OSBPL10: variants seen among roughly 807,000 people sequenced by gnomAD.
OSBPL10 encodes oxysterol-binding protein-related protein 10.
Under a neutral mutation model 81.7 loss-of-function variants are expected in OSBPL10, and 49 were observed. That is an observed-to-expected ratio of 0.60 (90% CI 0.48 to 0.76). OSBPL10 has a LOEUF of 0.76. Among genes scored for constraint, OSBPL10 ranks in the 30% least tolerant of loss-of-function variants. The pLI is 0.00. For synonymous variants in OSBPL10, 419 were observed against 383.6 expected, an observed-to-expected ratio of 1.09 and a Z score of -1.08; for missense variants, 923 against 987.8, an observed-to-expected ratio of 0.93 and a Z score of 0.88.
chr3:32,015,796 A>T (rs1352020060), intron 2 of OSBPL10, among the ~76,000 whole-genome samples: 1 of 152,252 alleles, frequency 6.6e-6, no homozygotes, highest in Admixed American at 6.5e-5. Context: ...GGATATGAAC[A>T]GACACTTCTC....
At position 31,682,715 on chromosome 3, in the gene OSBPL10, CTTAT is replaced by C. The variant is rs1475701754; in HGVS notation, c.1726+915_1726+918del. Among the ~76,000 whole-genome samples the C allele has an allele frequency of 1.2e-4, 19 of 152,314 alleles. No individual in the cohort carries two copies. In the East Asian group the frequency reaches 2.9e-3, roughly 23 times the overall value. On this transcript the variant is annotated intron_variant, in intron 8 of 11. Coordinates refer to ENST00000396556, the MANE Select transcript of OSBPL10 (RefSeq NM_017784.5). ...CTTACCACACAATCCATTTTATTTA[CTTAT>C]TTATTTCATTTCCCCGTGAGAAAGA... is the stretch of plus-strand genomic sequence containing the variant.
At chr3:31,688,421 C>T (rs1415473376) in intron 7 of OSBPL10, among the ~76,000 whole-genome samples, 6 of 152,012 alleles carry the variant, frequency 3.9e-5, no homozygotes. Flanking sequence ...ACAGTTCCTG[C>T]TTTCAAGGCT....
chr3:31,883,264 G>C (rs1451408090), intron 1 of OSBPL10, among the ~76,000 whole-genome samples: 10 of 150,402 alleles, frequency 6.6e-5, no homozygotes, highest in Non-Finnish European at 1.3e-4. Flanking sequence ...TTTTGAGATG[G>C]AGTCTCGCTT....
At chr3:32,051,316 T>C (rs977752489) in intron 1 of OSBPL10, among the ~76,000 whole-genome samples, 2 of 152,232 alleles carry the variant, frequency 1.3e-5, no homozygotes, top group African/African-American at 4.8e-5. Context: ...ATCTGTTCTG[T>C]TTTGCATTGT....
chr3:31,912,651 C>T (rs1696617765), intron 1 of OSBPL10, among the ~76,000 whole-genome samples: 1 of 152,176 alleles, frequency 6.6e-6, no homozygotes. Context: ...TCCTTTGATG[C>T]TAGAGTTTCA....
intron 1 of OSBPL10, among the ~76,000 whole-genome samples, chr3:31,968,966 G>A (rs1351555948): frequency 6.6e-6 from 1 of 152,174 alleles, no homozygotes; most frequent in Non-Finnish European, 1.5e-5. Flanking sequence ...TCAACGGCAC[G>A]TACTAGCACA....
intron 6 of OSBPL10, chr3:31,721,780 G>A (rs974408841): frequency 1.3e-5 from 2 of 152,118 alleles, no homozygotes; most frequent in South Asian, 2.1e-4. Flanking sequence ...AAGCTAGGTC[G>A]GCCAAAGAAC....
chr3:31,930,640 T>C (rs1185323336), intron 1 of OSBPL10, among the ~76,000 whole-genome samples: 1 of 151,632 alleles, frequency 6.6e-6, no homozygotes, highest in Non-Finnish European at 1.5e-5. Flanking sequence ...AAGAAAAGAG[T>C]TAGGAAGCCT....
At chr3:31,686,149 C>T (rs1485262100) in intron 7 of OSBPL10, among the ~76,000 whole-genome samples, 1 of 152,190 alleles carries the variant, frequency 6.6e-6, no homozygotes, top group African/African-American at 2.4e-5. Flanking sequence ...GCACATGGCC[C>T]TCACCAGAAG....
chr3:31,795,379 A>C (rs775227690), intron 4 of OSBPL10: 2 of 155,450 alleles, frequency 1.3e-5, no homozygotes, highest in Non-Finnish European at 2.9e-5. Flanking sequence ...TCCTGACCTC[A>C]GGTGATCCGC....
intron 4 of OSBPL10, among the ~76,000 whole-genome samples, chr3:31,779,137 G>T (rs889512162): frequency 4.6e-5 from 7 of 151,766 alleles, no homozygotes; most frequent in African/African-American, 1.7e-4. Context: ...ATCTCACAGG[G>T]CCTATAAAAA....
intron 1 of OSBPL10, among the ~76,000 whole-genome samples, chr3:31,912,645 T>G (rs1696617682): frequency 1.3e-5 from 2 of 152,166 alleles, no homozygotes. Context: ...TGTCTCTCCT[T>G]TGATGCTAGA....
chr3:31,884,220 C>G (rs1695670007), intron 1 of OSBPL10, among the ~76,000 whole-genome samples: 1 of 152,172 alleles, frequency 6.6e-6, no homozygotes, highest in Non-Finnish European at 1.5e-5. Flanking sequence ...CTATTTCAAA[C>G]TGACATCTTT....
chr3:31,743,063 G>T (rs1697405588), intron 5 of OSBPL10, among the ~76,000 whole-genome samples: 4 of 111,476 alleles, frequency 3.6e-5, no homozygotes, highest in Non-Finnish European at 1.7e-5. Context: ...TTTTTTTAGA[G>T]AGAGTCTTGC....
intron 3 of OSBPL10, among the ~76,000 whole-genome samples, chr3:31,863,477 T>C (rs1033193338): frequency 6.6e-6 from 1 of 152,244 alleles, no homozygotes; most frequent in Non-Finnish European, 1.5e-5. Context: ...GAGCCACTTG[T>C]TAGCTATGCC....
intron 2 of OSBPL10, among the ~76,000 whole-genome samples, chr3:31,999,514 C>G (rs1350986599): frequency 6.6e-6 from 1 of 151,882 alleles, no homozygotes; most frequent in East Asian, 1.9e-4. Context: ...GCATGCACAA[C>G]CACGCCCACC....
upstream of OSBPL10, among the ~76,000 whole-genome samples, chr3:31,985,276 C>G (rs1181971126): frequency 6.6e-6 from 1 of 152,132 alleles, no homozygotes; most frequent in Non-Finnish European, 1.5e-5. Context: ...TGGCTAAACA[C>G]AAATGCTCAA....
intron 2 of OSBPL10, among the ~76,000 whole-genome samples, chr3:32,017,665 G>A (rs1384496220): frequency 6.6e-6 from 1 of 152,118 alleles, no homozygotes; most frequent in East Asian, 1.9e-4. Flanking sequence ...AAGAGACCTG[G>A]GTTTTATTGT....
intron 1 of OSBPL10, among the ~76,000 whole-genome samples, chr3:31,925,049 A>G (rs1697029953): frequency 1.3e-5 from 2 of 152,208 alleles, no homozygotes; most frequent in African/African-American, 4.8e-5. Context: ...TGAAAGTAAC[A>G]CAGTTGTGAA....
Sources: allele counts gnomAD v4.1 joint callset (sites outside exome capture counted in the v4.1 genomes callset), GRCh38; gene constraint gnomAD v4.1.1; transcripts MANE v1.5; gene names NCBI Gene and HGNC (gene_info 2026-07-23, HGNC 2026-07-21).